DLG5: variants seen among roughly 807,000 people sequenced by gnomAD.
The protein encoded by DLG5 is discs large MAGUK scaffold protein 5, also known as disks large homolog 5.
Under a neutral mutation model 189.8 loss-of-function variants are expected in DLG5, and 48 were observed. The observed-to-expected ratio is 0.25, with a 90% CI of 0.20 to 0.32. The LOEUF (loss-of-function observed/expected upper bound fraction) is 0.32, where lower values mean the gene tolerates loss of function less well. Among genes scored for constraint, DLG5 ranks in the 10% least tolerant of loss-of-function variants. The probability of loss-of-function intolerance (pLI) is 1.00; values close to 1 mark genes in which losing one functional copy is unlikely to be tolerated. For missense variants in DLG5, 2,160 were observed against 2,544.7 expected (o/e 0.85, Z 3.25); for synonymous variants, 1,016 against 1,054.1 (o/e 0.96, Z 0.70).
intron 1 of DLG5, among the ~76,000 whole-genome samples, chr10:77,882,548 C>A (rs888451880): frequency 6.6e-6 from 1 of 152,144 alleles, no homozygotes; most frequent in African/African-American, 2.4e-5. Flanking sequence ...CAAACTCCTT[C>A]TTCCTTCTAC....
intron 5 of DLG5, among the ~76,000 whole-genome samples, chr10:77,850,846 G>A (rs1021897222): frequency 2.6e-5 from 4 of 152,192 alleles, no homozygotes; most frequent in Non-Finnish European, 5.9e-5. Context: ...TGCCAACCTC[G>A]TGCTTTCTAG....
chr10:77,869,124 C>T lies in DLG5; in HGVS notation c.373+5G>A, dbSNP rs1165474989. On this transcript the variant is annotated splice_donor_5th_base_variant and intron_variant, in intron 2 of 31. Coordinates refer to ENST00000372391, the MANE Select transcript of DLG5 (RefSeq NM_004747.4). ...CCGGTGTCCTCCCCAGACAGTGGTA[C>T]TCACCCACACTGCTGAGGGAGCTGC... 2 of 1,613,378 alleles carry T rather than the reference C, an allele frequency of 1.2e-6. No homozygotes were observed. The highest frequency in any genetic ancestry group is 1.7e-6 in the Non-Finnish European group (2 of 1,179,564).
intron 1 of DLG5, among the ~76,000 whole-genome samples, chr10:77,876,181 A>G (rs1845081903): frequency 6.6e-6 from 1 of 152,194 alleles, no homozygotes; most frequent in Non-Finnish European, 1.5e-5. Flanking sequence ...AAAAAAAAAA[A>G]AAATCATAAT....
chr10:77,836,925 T>G (rs1164290788), intron 7 of DLG5, among the ~76,000 whole-genome samples: 1 of 151,790 alleles, frequency 6.6e-6, no homozygotes, highest in Non-Finnish European at 1.5e-5. Context: ...TAAAAAGAAT[T>G]ATTTGGGGGC....
At chr10:77,866,332 T>G (rs968744806) in intron 2 of DLG5, among the ~76,000 whole-genome samples, 4 of 152,214 alleles carry the variant, frequency 2.6e-5, no homozygotes, top group African/African-American at 9.6e-5. Context: ...GCGTTTCTGA[T>G]GCAGCAGGGG....
intron 27 of DLG5, among the ~76,000 whole-genome samples, chr10:77,802,295 T>C (rs1454125323): frequency 6.6e-6 from 1 of 152,168 alleles, no homozygotes; most frequent in African/African-American, 2.4e-5. Flanking sequence ...ATGATATCTT[T>C]AAAGCACCCA....
At chr10:77,843,345 G>T (rs1843518876) in intron 6 of DLG5, 102 bp downstream of exon 6, 1 of 1,420,180 alleles carries the variant, frequency 7.0e-7, no homozygotes, top group Non-Finnish European at 9.5e-7. Context: ...AGCATTTTTT[G>T]ATTGAAAAAG....
chr10:77,881,168 T>A (rs1316761200), intron 1 of DLG5, among the ~76,000 whole-genome samples: 1 of 152,012 alleles, frequency 6.6e-6, no homozygotes, highest in Non-Finnish European at 1.5e-5. Flanking sequence ...AGATGGGATT[T>A]CACCATGTTG....
chr10:77,882,758 A>G (rs1369577566), intron 1 of DLG5, among the ~76,000 whole-genome samples: 3 of 70,270 alleles, frequency 4.3e-5, no homozygotes, highest in African/African-American at 8.8e-5. Flanking sequence ...CTAAAAAAAT[A>G]CAAAAAAAAA....
chr10:77,833,316 C>T (rs1040901509), intron 9 of DLG5, among the ~76,000 whole-genome samples: 2 of 149,048 alleles, frequency 1.3e-5, no homozygotes, highest in African/African-American at 5.0e-5. Flanking sequence ...ACAAGCAGAA[C>T]AGACTGCTGG....
At chr10:77,795,834 G>A (rs1046412176) in intron 29 of DLG5, among the ~76,000 whole-genome samples, 2 of 152,186 alleles carry the variant, frequency 1.3e-5, no homozygotes, top group Admixed American at 6.5e-5. Flanking sequence ...AGATGGGGCG[G>A]CACATACACA....
intron 2 of DLG5, among the ~76,000 whole-genome samples, chr10:77,859,587 G>C (rs773612720): frequency 6.6e-5 from 10 of 152,214 alleles, no homozygotes; most frequent in Non-Finnish European, 1.3e-4. Context: ...TGCTGTACAG[G>C]TTTGCAGCTC....
At chr10:77,862,978 G>T (rs1844530700) in intron 2 of DLG5, among the ~76,000 whole-genome samples, 1 of 152,148 alleles carries the variant, frequency 6.6e-6, no homozygotes, top group African/African-American at 2.4e-5. Context: ...GCAGTGTTTT[G>T]CATCTTAAAA....
intron 2 of DLG5, among the ~76,000 whole-genome samples, chr10:77,859,367 T>G (rs1325117982): frequency 1.3e-5 from 2 of 152,348 alleles, no homozygotes; most frequent in East Asian, 1.9e-4. Flanking sequence ...CAGTCATGTT[T>G]TAGGCCCTCA....
intron 25 of DLG5, 95 bp downstream of exon 25, chr10:77,807,701 G>A (rs1316519188): frequency 2.1e-6 from 3 of 1,425,270 alleles, no homozygotes; most frequent in East Asian, 2.3e-5. Context: ...GCCTTGGGGG[G>A]CAAGAAACAG....
At chr10:77,884,657 A>G (rs1845385096) in intron 1 of DLG5, among the ~76,000 whole-genome samples, 1 of 152,180 alleles carries the variant, frequency 6.6e-6, no homozygotes, top group South Asian at 2.1e-4. Context: ...GCGCTCAGGG[A>G]AAAATAAAAG....
chr10:77,840,158 G>A (rs781218424), intron 7 of DLG5, among the ~76,000 whole-genome samples: 7 of 152,094 alleles, frequency 4.6e-5, no homozygotes, highest in African/African-American at 9.7e-5. Flanking sequence ...CAGGAGGATC[G>A]CTTGAGCCCA....
intron 1 of DLG5, among the ~76,000 whole-genome samples, chr10:77,913,185 C>T (rs1554832843): frequency 6.6e-6 from 1 of 152,148 alleles, no homozygotes; most frequent in Non-Finnish European, 1.5e-5. Flanking sequence ...CATGGCTAAA[C>T]AGTTTCAGGA....
upstream of DLG5, among the ~76,000 whole-genome samples, chr10:77,930,568 C>T (rs1028889212): frequency 1.1e-4 from 17 of 151,600 alleles, no homozygotes; most frequent in Non-Finnish European, 2.1e-4. Context: ...AGGCTGGTCT[C>T]GAACTCCTGA....
Sources: gnomAD v4.1 joint callset for allele counts (sites outside exome capture counted in the v4.1 genomes callset) on GRCh38, gnomAD v4.1.1 for gene constraint, MANE v1.5 for transcripts, NCBI Gene and HGNC (gene_info 2026-07-23, HGNC 2026-07-21) for gene names.